GPD1L: variants seen among roughly 807,000 people sequenced by gnomAD.
GPD1L encodes glycerol-3-phosphate dehydrogenase 1-like protein.
A neutral mutation model predicts 32.9 loss-of-function variants in GPD1L; 17 were observed. The observed-to-expected ratio is 0.52, with a 90% confidence interval of 0.35 to 0.78. GPD1L has a LOEUF of 0.78. Among genes scored for constraint, GPD1L ranks in the 30% least tolerant of loss-of-function variants. The pLI is 0.01. For synonymous variants in GPD1L, 187 were observed against 165.9 expected, an observed-to-expected ratio of 1.13 and a Z score of -0.98; for missense variants, 361 against 447.8, an observed-to-expected ratio of 0.81 and a Z score of 1.75.
At chr3:32,154,876 T>C (rs1391029529) in intron 5 of GPD1L, among the ~76,000 whole-genome samples, 1 of 151,988 alleles carries the variant, frequency 6.6e-6, no homozygotes, top group Non-Finnish European at 1.5e-5. Context: ...GCCTCCCAAG[T>C]AGGTGGGACG....
At chr3:32,113,295 C>G (rs1451409688) in intron 1 of GPD1L, among the ~76,000 whole-genome samples, 1 of 151,890 alleles carries the variant, frequency 6.6e-6, no homozygotes, top group Non-Finnish European at 1.5e-5. Flanking sequence ...TTAGGAAAAT[C>G]TAAGCTAAAA....
At chr3:32,141,024 A>G (rs1424913051) in intron 4 of GPD1L, among the ~76,000 whole-genome samples, 1 of 152,234 alleles carries the variant, frequency 6.6e-6, no homozygotes. Flanking sequence ...ATATTAAACG[A>G]TGCTTTGTTG....
At chr3:32,124,312 G>T (rs1413775917) in intron 1 of GPD1L, among the ~76,000 whole-genome samples, 1 of 152,114 alleles carries the variant, frequency 6.6e-6, no homozygotes, top group Non-Finnish European at 1.5e-5. Context: ...TGATCCACCC[G>T]CCTCGGCCTC....
chr3:32,109,092 G>A (rs943192700), intron 1 of GPD1L, among the ~76,000 whole-genome samples: 6 of 152,104 alleles, frequency 3.9e-5, no homozygotes, highest in Non-Finnish European at 8.8e-5. Flanking sequence ...CTCATGATCC[G>A]CCTGCCTCTT....
intron 2 of GPD1L, among the ~76,000 whole-genome samples, chr3:32,134,436 G>A (rs1700629889): frequency 6.6e-6 from 1 of 152,174 alleles, no homozygotes; most frequent in African/African-American, 2.4e-5. Flanking sequence ...TATTAAGAAG[G>A]AAATGTAAGA....
intron 1 of GPD1L, among the ~76,000 whole-genome samples, chr3:32,108,702 C>T (rs1038213980): frequency 7.9e-5 from 12 of 152,170 alleles, no homozygotes; most frequent in African/African-American, 1.4e-4. Context: ...TCGCCCTCCA[C>T]GCTGCAAATA....
intron 1 of GPD1L, among the ~76,000 whole-genome samples, chr3:32,114,910 C>T (rs756538137): frequency 2.0e-5 from 3 of 152,142 alleles, no homozygotes; most frequent in Admixed American, 6.5e-5. Flanking sequence ...TTTGTGGTCT[C>T]GCTTACTTCA....
At chr3:32,123,792 A>AGATG (rs1465289669) in intron 1 of GPD1L, among the ~76,000 whole-genome samples, 1 of 23,618 alleles carries the variant, frequency 4.2e-5, no homozygotes, top group Non-Finnish European at 7.1e-5. Context: ...AGGAATTGAA[A>AGATG]GATAGATAGA....
intron 4 of GPD1L, among the ~76,000 whole-genome samples, chr3:32,142,294 T>A (rs1700756421): frequency 6.6e-6 from 1 of 152,112 alleles, no homozygotes; most frequent in Admixed American, 6.5e-5. Context: ...AATTTTTGTA[T>A]TTTTGGTAGA....
chr3:32,159,857 T>C (rs1701052402), intron 7 of GPD1L, among the ~76,000 whole-genome samples, 183 bp downstream of exon 7: 1 of 152,200 alleles, frequency 6.6e-6, no homozygotes, highest in African/African-American at 2.4e-5. Context: ...TCCCAAAACA[T>C]GTGTTTACAC....
intron 4 of GPD1L, among the ~76,000 whole-genome samples, chr3:32,142,770 AG>A (rs1700765225): frequency 6.6e-6 from 1 of 152,164 alleles, no homozygotes; most frequent in African/African-American, 2.4e-5. Flanking sequence ...TGGGTACATT[AG>A]GCTTTTTTGG....
intron 4 of GPD1L, among the ~76,000 whole-genome samples, chr3:32,142,885 C>T (rs903723052): frequency 3.9e-5 from 6 of 152,106 alleles, no homozygotes; most frequent in Non-Finnish European, 7.3e-5. Flanking sequence ...GTGATAAGCA[C>T]TGATGACCTG....
chr3:32,153,449 T>C (rs7609559), intron 5 of GPD1L, among the ~76,000 whole-genome samples: 60,090 of 152,184 alleles, frequency 0.39, 13,067 homozygotes, highest in East Asian at 0.6. Flanking sequence ...TTTCTATCAT[T>C]GCAGAAACTT....
chr3:32,163,694 C>T lies in GPD1L; in HGVS notation c.960-2120C>T, dbSNP rs1422107338. Among the ~76,000 whole-genome samples the T allele has an allele frequency of 2.6e-5, 4 of 152,302 alleles. No homozygotes were observed. The East Asian group carries it at 5.8e-4, about 22-fold the overall frequency. ...AGAATGGGGACAATATTTTCTACCT[C>T]ATGGGGTGATTGTAAGGATTAAACA... On this transcript the variant is annotated intron_variant, in intron 7 of 7. Transcript: ENST00000282541.
rs911509287 is a variant in GPD1L, at chr3:32,155,681, G to A, written c.619-3195G>A. Reference sequence around the variant, plus strand: ...CCTCTGGGCTTCGGCAGTCAGACCCGCTGCATGTCCCCAGGTGTCAATCTG... The same window carrying A: ...CCTCTGGGCTTCGGCAGTCAGACCCACTGCATGTCCCCAGGTGTCAATCTG... On this transcript the variant is annotated intron_variant, in intron 5 of 7. Transcript: ENST00000282541. Among the ~76,000 whole-genome samples the A allele has an allele frequency of 5.3e-5, 8 of 152,170 alleles. 1 individual carries two copies. The highest frequency in any genetic ancestry group is 1.0e-4 in the Non-Finnish European group (7 of 68,022).
chr3:32,134,353 A>T (rs1700629053), intron 2 of GPD1L, among the ~76,000 whole-genome samples: 2 of 152,214 alleles, frequency 1.3e-5, no homozygotes, highest in South Asian at 4.1e-4. Flanking sequence ...TATTCCACCA[A>T]GGAGAATAAG....
chr3:32,145,400 T>C (rs1428700505), intron 4 of GPD1L, among the ~76,000 whole-genome samples: 1 of 152,092 alleles, frequency 6.6e-6, no homozygotes, highest in African/African-American at 2.4e-5. Flanking sequence ...AAATATGAGA[T>C]TGCTATAAAT....
At chr3:32,135,880 C>T (rs1207644640) in intron 2 of GPD1L, among the ~76,000 whole-genome samples, 2 of 152,116 alleles carry the variant, frequency 1.3e-5, no homozygotes, top group Non-Finnish European at 2.9e-5. Context: ...TGTGGACTAC[C>T]TAGCCTAGAT....
At chr3:32,131,703 C>G (rs1368765029) in intron 2 of GPD1L, among the ~76,000 whole-genome samples, 2 of 152,108 alleles carry the variant, frequency 1.3e-5, no homozygotes, top group Non-Finnish European at 2.9e-5. Flanking sequence ...ATGAATAATA[C>G]CTTTATGTAC....
Sources: gnomAD v4.1 joint callset for allele counts (sites outside exome capture counted in the v4.1 genomes callset) on GRCh38, gnomAD v4.1.1 for gene constraint, MANE v1.5 for transcripts, NCBI Gene and HGNC (gene_info 2026-07-23, HGNC 2026-07-21) for gene names.